The following PPP6R2 variants were observed in gnomAD, a reference collection of about 807,000 sequenced individuals.
PPP6R2 encodes serine/threonine-protein phosphatase 6 regulatory subunit 2.
In PPP6R2, 62 loss-of-function variants were observed where a neutral mutation model predicts 100.2. The ratio of observed to expected loss-of-function variants is 0.62; its 90% CI spans 0.50 to 0.76. The LOEUF is 0.76. Among genes scored for constraint, PPP6R2 ranks in the 30% least tolerant of loss-of-function variants. The pLI, the probability that PPP6R2 is intolerant of heterozygous loss-of-function variation, is 0.00. For missense variants in PPP6R2, 1,142 were observed against 1,276.3 expected (o/e 0.89, Z 1.60); for synonymous variants, 525 against 514.7 (o/e 1.02, Z -0.27).
intron 23 of PPP6R2, 22 bp from the exon 24 acceptor site, chr22:50,444,177 C>T (rs764796533): frequency 1.2e-6 from 2 of 1,612,890 alleles, no homozygotes; most frequent in South Asian, 1.1e-5. Flanking sequence ...CGCACGGTTC[C>T]AACCCCACCC....
the PPP6R2 span, among the ~76,000 whole-genome samples, chr22:50,337,503 CGGTGTGTGG>C: frequency 1.4e-5 from 1 of 73,122 alleles, no homozygotes; most frequent in Non-Finnish European, 2.6e-5. Flanking sequence ...GGTGTGTGTG[CGGTGTGTGG>C]GGTGTGTGCG....
chr22:50,367,813 G>A lies in PPP6R2; in HGVS notation c.-147-4207G>A, dbSNP rs542185688. Among the ~76,000 whole-genome samples, 4 of 152,254 alleles carry A rather than the reference G, an allele frequency of 2.6e-5. 1 individual carries two copies. The highest frequency in any genetic ancestry group is 9.6e-5 in the African/African-American group (4 of 41,558). ...GAGATCGTAGAAATAAAGACATAAA[G>A]CAAAGAGATAGAAGAAAAGACAGTT... On this transcript the variant is annotated intron_variant, in intron 1 of 23. Transcript: ENST00000612753.
At chr22:50,397,667 A>C (rs2057246055) in intron 3 of PPP6R2, among the ~76,000 whole-genome samples, 1 of 94,124 alleles carries the variant, frequency 1.1e-5, no homozygotes, top group Admixed American at 1.1e-4. Flanking sequence ...TTCTCTGAGG[A>C]GTGTGACTTG....
chr22:50,349,332 C>A lies in PPP6R2; in HGVS notation c.-148+5782C>A, dbSNP rs140010125. 1.5e-3 allele frequency among the ~76,000 whole-genome samples: 219 copies of A among 147,322 alleles called. 3 individuals are homozygous for A. The highest frequency in any genetic ancestry group is 5.3e-3 in the African/African-American group (208 of 39,350). On this transcript the variant is annotated intron_variant, in intron 1 of 23. Transcript: ENST00000612753. ...TGAGCTGTGATCACTCCATTGCACT[C>A]CAGCCTGGGCGACAGCGTGAGACCC...
intron 3 of PPP6R2, among the ~76,000 whole-genome samples, chr22:50,395,909 C>T (rs528256174): frequency 4.5e-4 from 67 of 149,916 alleles, no homozygotes; most frequent in South Asian, 1.6e-3. Context: ...AAAAAAAAAT[C>T]GAAGCTCGGG....
At chr22:50,411,589 A>G (rs569422285) in intron 4 of PPP6R2, among the ~76,000 whole-genome samples, 21 of 152,106 alleles carry the variant, frequency 1.4e-4, no homozygotes, top group Admixed American at 1.2e-3. Context: ...CCCTGTCTCT[A>G]CTAAAAATAC....
At chr22:50,430,067 C>T (rs1179541653) in intron 10 of PPP6R2, among the ~76,000 whole-genome samples, 1 of 152,252 alleles carries the variant, frequency 6.6e-6, no homozygotes, top group Non-Finnish European at 1.5e-5. Context: ...GGGTCTGGGA[C>T]ACAGGCTGCC....
At chr22:50,415,019 G>A (rs151134904) in intron 5 of PPP6R2, among the ~76,000 whole-genome samples, 12 of 152,370 alleles carry the variant, frequency 7.9e-5, no homozygotes, top group Non-Finnish European at 1.8e-4. Context: ...TAGAGCAGGA[G>A]GTCAGTGAGG....
chr22:50,382,894 A>G (rs1427492897), intron 2 of PPP6R2, among the ~76,000 whole-genome samples: 2 of 151,186 alleles, frequency 1.3e-5, no homozygotes, highest in Admixed American at 6.6e-5. Context: ...CTGGAGTGCA[A>G]TGGCACAGTC....
intron 1 of PPP6R2, among the ~76,000 whole-genome samples, chr22:50,351,998 T>A (rs917071348): frequency 5.3e-5 from 8 of 152,178 alleles, no homozygotes; most frequent in African/African-American, 1.7e-4. Flanking sequence ...GGTTTCATCG[T>A]GTTAGCCAGG....
intron 2 of PPP6R2, among the ~76,000 whole-genome samples, chr22:50,384,305 C>T (rs915409439): frequency 2.0e-5 from 3 of 152,218 alleles, no homozygotes; most frequent in Middle Eastern, 3.4e-3. Context: ...CCTGTAATCC[C>T]ACCAGTCTGG....
At chr22:50,380,712 G>A (rs1027874178) in intron 2 of PPP6R2, among the ~76,000 whole-genome samples, 8 of 151,070 alleles carry the variant, frequency 5.3e-5, no homozygotes, top group Non-Finnish European at 7.4e-5. Context: ...AGAACTGGCC[G>A]GGTGCGGTGG....
At chr22:50,416,229 C>A in intron 6 of PPP6R2, 72 bp downstream of exon 6, 1 of 1,396,334 alleles carries the variant, frequency 7.2e-7, no homozygotes, top group Non-Finnish European at 1.0e-6. Flanking sequence ...CTGCTGCGGG[C>A]CAGGGGGCGA....
chr22:50,395,708 G>A (rs899297497), intron 3 of PPP6R2, among the ~76,000 whole-genome samples: 1 of 151,996 alleles, frequency 6.6e-6, no homozygotes, highest in African/African-American at 2.4e-5. Context: ...CTACAGGTGC[G>A]TGCCACCATG....
rs1256438837 is a variant in PPP6R2 at position 50,444,920 on chromosome 22, G to GT, written c.*674dup. ...ACAGGTATGCAGGTGGGGGGACATG[G>GT]TGTGGCACTAGGGGCTCGAAGACTG... On this transcript the variant is annotated 3_prime_UTR_variant, in exon 24 of 24. Coordinates refer to ENST00000612753, the MANE Select transcript of PPP6R2 (RefSeq NM_001242898.2). 1 of 152,898 alleles carries GT rather than the reference G, an allele frequency of 6.5e-6. No individual in the cohort carries two copies. Among genetic ancestry groups the GT allele is most frequent in the African/African-American group, 2.4e-5 (1 of 41,436 alleles). 9.5% of individuals were successfully genotyped at this position (152,898 alleles called of 1,614,324 possible).
chr22:50,402,063 C>T (rs2058137106), intron 3 of PPP6R2, among the ~76,000 whole-genome samples: 2 of 152,232 alleles, frequency 1.3e-5, no homozygotes, highest in Admixed American at 6.5e-5. Context: ...GAGTTTCCTT[C>T]TGTTCTCTAC....
chr22:50,384,022 C>T (rs981215073), intron 2 of PPP6R2, among the ~76,000 whole-genome samples: 9 of 129,686 alleles, frequency 6.9e-5, no homozygotes, highest in Admixed American at 9.5e-5. Flanking sequence ...GGCGGCTGAG[C>T]GAGACTCCAT....
chr22:50,443,874 G>A lies in PPP6R2; in HGVS notation c.2588G>A (p.Cys863Tyr). ...RTEEAVGRVG[C>Y]ADSRLLSPAC... ...CCATGTTTGCCACACAGGGTCGGGT[G>A]TGCTGACAGCCGGCTGTTAAGCCCT... The change falls in exon 23 of 24, where the codon TGT (cysteine) becomes TAT (tyrosine). Residue 863 changes from cysteine (C) to tyrosine (Y), a missense_variant. Coordinates refer to ENST00000612753, the MANE Select transcript of PPP6R2 (RefSeq NM_001242898.2). 10 of 1,580,472 alleles carry A rather than the reference G, an allele frequency of 6.3e-6. No individual in the cohort carries two copies. The highest frequency in any genetic ancestry group is 1.1e-5 in the South Asian group (1 of 87,578).
At chr22:50,442,199 G>A (rs1199671535) in intron 22 of PPP6R2, among the ~76,000 whole-genome samples, 3 of 152,212 alleles carry the variant, frequency 2.0e-5, no homozygotes, top group African/African-American at 7.2e-5. Flanking sequence ...AGGTGGGGCA[G>A]GCCTGACACC....
Sources: gnomAD v4.1 joint callset for allele counts (sites outside exome capture counted in the v4.1 genomes callset) on GRCh38, gnomAD v4.1.1 for gene constraint, MANE v1.5 for transcripts, NCBI Gene and HGNC (gene_info 2026-07-23, HGNC 2026-07-21) for gene names.